Variants in NSD3 observed in about 807,000 individuals in gnomAD.
The protein encoded by NSD3 is nuclear receptor binding SET domain protein 3, also known as histone-lysine N-methyltransferase NSD3.
Under a neutral mutation model 160.8 loss-of-function variants are expected in NSD3, and 24 were observed. The ratio of observed to expected loss-of-function variants is 0.15; its 90% CI spans 0.11 to 0.21. The LOEUF is 0.21. Among genes scored for constraint, NSD3 ranks in the 10% least tolerant of loss-of-function variants. The probability of loss-of-function intolerance (pLI) is 1.00; values close to 1 mark genes in which losing one functional copy is unlikely to be tolerated. For synonymous variants in NSD3, 520 were observed against 600.0 expected (o/e 0.87, Z 1.95); for missense variants, 1,157 against 1,735.9 (o/e 0.67, Z 5.93).
rs758084939 is a variant in NSD3, at chr8:38,318,849, G to A, written c.1855+46C>T. On this transcript the variant is annotated intron_variant, in intron 9 of 23. Coordinates refer to ENST00000317025, the MANE Select transcript of NSD3 (RefSeq NM_023034.2). This position sits in a 1 kb window ranked among gnomAD's most constrained non-coding sequence, Gnocchi z 5.3. ...GAAGTACAAATAATTCTTAAAAATTGGTTTTAATCAAGGAAATGCAAAGCA... is the reference window on the plus strand; with the variant it reads ...GAAGTACAAATAATTCTTAAAAATTAGTTTTAATCAAGGAAATGCAAAGCA... 2.6e-6 allele frequency: 4 copies of A among 1,536,974 alleles called. No individual in the cohort carries two copies. Among genetic ancestry groups the A allele is most frequent in the South Asian group, 1.2e-5 (1 of 86,230 alleles).
At chr8:38,300,507 T>C (rs1032638768) in intron 14 of NSD3, among the ~76,000 whole-genome samples, 2 of 152,176 alleles carry the variant, frequency 1.3e-5, no homozygotes, top group Admixed American at 1.3e-4. Context: ...TCCTGAACTT[T>C]ACTGAGGTAA....
At chr8:38,372,651 C>A (rs1811277610) in intron 1 of NSD3, among the ~76,000 whole-genome samples, 1 of 151,454 alleles carries the variant, frequency 6.6e-6, no homozygotes, top group Admixed American at 6.6e-5. Flanking sequence ...CGCCTGCCAC[C>A]ACGCCTGGCT....
At chr8:38,330,074 G>A (rs551983570) in intron 5 of NSD3, among the ~76,000 whole-genome samples, 181 bp from the exon 6 acceptor site, 19 of 152,290 alleles carry the variant, frequency 1.2e-4, no homozygotes, top group African/African-American at 4.6e-4. Context: ...TCGATAACAT[G>A]AGGATCTACT....
chr8:38,299,336 C>T, intron 15 of NSD3, 108 bp downstream of exon 15: 4 of 1,235,524 alleles, frequency 3.2e-6, no homozygotes, highest in Non-Finnish European at 4.3e-6. Context: ...CAGAATTTAC[C>T]AAAAGCAACA....
At chr8:38,328,176 C>T (rs1308195981) in intron 6 of NSD3, among the ~76,000 whole-genome samples, 3 of 152,022 alleles carry the variant, frequency 2.0e-5, no homozygotes, top group Admixed American at 1.3e-4. Flanking sequence ...CAGAGTGAGA[C>T]CTCATCTCTT....
intron 18 of NSD3, among the ~76,000 whole-genome samples, chr8:38,289,004 T>G: frequency 6.6e-6 from 1 of 152,250 alleles, no homozygotes; most frequent in Admixed American, 6.5e-5. Flanking sequence ...GGAAATTTCA[T>G]AACTGAAAAC....
rs184644199 is a variant in NSD3, at chr8:38,274,624, T to C, written c.*1017A>G. 17 of 152,342 alleles carry C rather than the reference T, an allele frequency of 1.1e-4. No individual in the cohort carries two copies. Among genetic ancestry groups the C allele is most frequent in the African/African-American group, 3.8e-4 (16 of 41,570 alleles). The allele number at this position is 152,342 out of a possible 1,614,324, so 9.4% of individuals were successfully genotyped here. A position where few individuals can be genotyped will look rare whatever the true frequency, so the allele number is the denominator to read the frequency against. ...CAGGAAACATGACTGAATGGTCAGA[T>C]GACAAAAGAAATGTTTGAGTAGGAG... is the stretch of plus-strand genomic sequence containing the variant. On this transcript the variant is annotated 3_prime_UTR_variant, in exon 24 of 24. Transcript: ENST00000317025.
At position 38,326,468 on chromosome 8, in the gene NSD3, CATAT is replaced by C. The variant is rs757301737; in HGVS notation, c.1708+258_1708+261del. On this transcript the variant is annotated intron_variant, in intron 7 of 23. Coordinates refer to ENST00000317025, the MANE Select transcript of NSD3 (RefSeq NM_023034.2). ...AGTCGATGGTGTATTTACTCAGATACATATAGAGTTTTATAGCTATACACTTTTA... is the reference window on the plus strand; with the variant it reads ...AGTCGATGGTGTATTTACTCAGATACAGAGTTTTATAGCTATACACTTTTA... Among the ~76,000 whole-genome samples the C allele has an allele frequency of 1.8e-3, 274 of 152,290 alleles. 2 individuals are homozygous for C. The highest frequency in any genetic ancestry group is 1.3e-3 in the Non-Finnish European group (90 of 68,022).
intron 1 of NSD3, among the ~76,000 whole-genome samples, chr8:38,356,819 A>T (rs1810835559): frequency 6.6e-6 from 1 of 152,050 alleles, no homozygotes; most frequent in Non-Finnish European, 1.5e-5. Flanking sequence ...ATATTTAATT[A>T]TACTTAAAAA....
At position 38,347,921 on chromosome 8, in the gene NSD3, G is replaced by A. The variant is rs1810575739; in HGVS notation, c.251C>T (p.Thr84Ile). ...ATACTGATTATATGACTGGTATTTG[G>A]TTTGAGTTTCATACACACTGATTGA... is the stretch of plus-strand genomic sequence containing the variant. ...PSSISVYETQ[T>I]KYQSYNQYPN... is the part of the protein sequence containing the mutation. The change falls in exon 2 of 24, where the codon ACC becomes ATC. Residue 84 changes from threonine to isoleucine, a missense_variant. Physicochemically the swap from Thr to Ile is moderately conservative, Grantham distance 89 (BLOSUM62 -1). Coordinates refer to ENST00000317025, the MANE Select transcript of NSD3 (RefSeq NM_023034.2). 1 of 1,614,152 alleles carries A rather than the reference G, an allele frequency of 6.2e-7. No homozygotes were observed. Among genetic ancestry groups the A allele is most frequent in the Non-Finnish European group, 8.5e-7 (1 of 1,180,026 alleles).
At chr8:38,335,579 T>C (rs1252308400) in intron 4 of NSD3, among the ~76,000 whole-genome samples, 1 of 152,166 alleles carries the variant, frequency 6.6e-6, no homozygotes, top group Non-Finnish European at 1.5e-5. Flanking sequence ...ATCCTTGTCT[T>C]TTCTTTTCCC....
At chr8:38,350,912 A>C (rs1810677280) in intron 1 of NSD3, among the ~76,000 whole-genome samples, 1 of 152,138 alleles carries the variant, frequency 6.6e-6, no homozygotes, top group Non-Finnish European at 1.5e-5. Flanking sequence ...ACAGAATAGA[A>C]GATTAATGGA....
At chr8:38,315,758 A>G (rs1809646288) in intron 10 of NSD3, among the ~76,000 whole-genome samples, 154 bp downstream of exon 10, 1 of 152,248 alleles carries the variant, frequency 6.6e-6, no homozygotes, top group African/African-American at 2.4e-5. Context: ...GTTTTGTTAT[A>G]TAACATGAGA....
Position 38,317,980 on chromosome 8 carries a change from T to A in NSD3, c.1855+915A>T. ...CTCAGTCCACAGTTTCCTCAATCGC[T>A]GCGGAGACGGAGCTGTCACTGAATC... On this transcript the variant is annotated intron_variant, in intron 9 of 23. Transcript: ENST00000317025. This position sits in a 1 kb window ranked among gnomAD's most constrained non-coding sequence, Gnocchi z 5.3. 6.2e-7 allele frequency: 1 copy of A among 1,614,206 alleles called. No individual in the cohort carries two copies. The highest frequency in any genetic ancestry group is 8.5e-7 in the Non-Finnish European group (1 of 1,180,034).
chr8:38,278,595 C>T (rs540747392), intron 21 of NSD3, among the ~76,000 whole-genome samples, 183 bp from the exon 22 acceptor site: 3 of 152,232 alleles, frequency 2.0e-5, no homozygotes, highest in African/African-American at 7.2e-5. Context: ...ACATCCCCAC[C>T]CAGGAACAAT....
chr8:38,355,151 C>T (rs1414936545), intron 1 of NSD3, among the ~76,000 whole-genome samples: 3 of 152,108 alleles, frequency 2.0e-5, no homozygotes, highest in Non-Finnish European at 4.4e-5. Context: ...CAGAATCAAA[C>T]TAAGTTCAAA....
In NSD3 at chr8:38,321,600, C is replaced by T. The variant is rs971383855; in HGVS notation, c.1709-428G>A. On this transcript the variant is annotated intron_variant, in intron 7 of 23. Transcript: ENST00000317025. The surrounding 1 kb of genome is among the most constrained non-coding windows in gnomAD (Gnocchi z 4.7). ...AATTCAATCAGTGCCACACATTCTG[C>T]ATTTTAACAAATGAGTTTAATTAAT... 6.6e-6 allele frequency among the ~76,000 whole-genome samples: 1 copy of T among 152,164 alleles called. No homozygotes were observed. The highest frequency in any genetic ancestry group is 2.4e-5 in the African/African-American group (1 of 41,446).
chr8:38,289,442 A>G lies in NSD3; in HGVS notation c.3182T>C (p.Leu1061Pro). 1 of 1,613,904 alleles carries G rather than the reference A, an allele frequency of 6.2e-7. No individual in the cohort carries two copies. The highest frequency in any genetic ancestry group is 1.1e-5 in the South Asian group (1 of 91,068). ...LKAQRESKEA[L>P]EIEKNSRKPP... ...TTTTCTTGAGTTTTTTTCAATCTCT[A>G]GGGCTTCTTTACTTTCTCTTTGTGC... Residue 1061 changes from leucine (L) to proline (P), a missense_variant, in exon 18 of 24, where the codon CTA (leucine) becomes CCA (proline). Around this residue, in one of 10 missense-constraint regions of NSD3, gnomAD observed 437 missense variants for 576.6 expected, o/e 0.76. Coordinates refer to ENST00000317025, the MANE Select transcript of NSD3 (RefSeq NM_023034.2).
rs1274389453 is a variant in NSD3, at chr8:38,314,614, T to C, written c.2242+33A>G. The C allele has an allele frequency of 2.5e-6, 4 of 1,613,330 alleles. No individual in the cohort carries two copies. In the African/African-American group the frequency reaches 5.3e-5, roughly 22 times the overall value. On this transcript the variant is annotated intron_variant, in intron 12 of 23. Transcript: ENST00000317025. Reference sequence around the variant, plus strand: ...CACATTCCTGGCACAATCCCATTCATCTTTTCATGACTATCGAAATAAGTC... The same window carrying C: ...CACATTCCTGGCACAATCCCATTCACCTTTTCATGACTATCGAAATAAGTC...
Sources: allele counts gnomAD v4.1 joint callset (sites outside exome capture counted in the v4.1 genomes callset), GRCh38; gene constraint gnomAD v4.1.1; regional missense constraint gnomAD v4.1.1; non-coding constraint Gnocchi (gnomAD v3.1); transcripts MANE v1.5; gene names NCBI Gene and HGNC (gene_info 2026-07-23, HGNC 2026-07-21).